COL13A1: variants seen among roughly 807,000 people sequenced by gnomAD.
COL13A1 encodes the protein collagen type XIII alpha 1 chain, also known as collagen alpha-1(XIII) chain.
Under a neutral mutation model 130.9 loss-of-function variants are expected in COL13A1, and 89 were observed. The observed-to-expected ratio is 0.68, with a 90% CI of 0.57 to 0.81. COL13A1 has a LOEUF of 0.81. Among genes scored for constraint, COL13A1 ranks in the 30% least tolerant of loss-of-function variants. The probability of loss-of-function intolerance (pLI) is 0.00; values close to 1 mark genes in which losing one functional copy is unlikely to be tolerated. For missense variants in COL13A1, 879 were observed against 934.6 expected, an observed-to-expected ratio of 0.94 and a Z score of 0.78; for synonymous variants, 402 against 341.6, an observed-to-expected ratio of 1.18 and a Z score of -1.95.
intron 3 of COL13A1, 61 bp downstream of exon 3, chr10:69,867,866 G>C: frequency 1.4e-6 from 1 of 717,520 alleles, no homozygotes; most frequent in Non-Finnish European, 2.6e-6. Context: ...GCTGGTAACG[G>C]GGTTCTGGGT....
At chr10:69,853,248 C>T (rs1278340641) in intron 2 of COL13A1, among the ~76,000 whole-genome samples, 3 of 152,222 alleles carry the variant, frequency 2.0e-5, no homozygotes, top group Admixed American at 6.5e-5. Flanking sequence ...GTTTCCATTT[C>T]CTATGGATAC....
At chr10:69,921,273 C>T (rs947406777) in intron 21 of COL13A1, among the ~76,000 whole-genome samples, 1 of 152,174 alleles carries the variant, frequency 6.6e-6, no homozygotes, top group African/African-American at 2.4e-5. Context: ...TGGCATTTCC[C>T]TGTGTGCATG....
intron 30 of COL13A1, chr10:69,931,240 G>A (rs1004705585): frequency 1.8e-5 from 8 of 455,588 alleles, no homozygotes; most frequent in Non-Finnish European, 3.5e-5. Context: ...AATCCAGCTG[G>A]GCTCCTGAGG....
At chr10:69,914,098 C>A (rs551828469) in intron 17 of COL13A1, among the ~76,000 whole-genome samples, 1 of 152,158 alleles carries the variant, frequency 6.6e-6, no homozygotes, top group Non-Finnish European at 1.5e-5. Context: ...GAGACTCTCA[C>A]GCTCCGGGGT....
intron 4 of COL13A1, among the ~76,000 whole-genome samples, chr10:69,874,351 T>G (rs2683555): frequency 2.0e-5 from 3 of 152,004 alleles, no homozygotes; most frequent in Non-Finnish European, 4.4e-5. Context: ...TTGCTTTCCA[T>G]CCTTCCAGGC....
At chr10:69,937,554 GC>G in intron 33 of COL13A1, 80 bp from the exon 34 acceptor site, 1 of 714,504 alleles carries the variant, frequency 1.4e-6, no homozygotes, top group Non-Finnish European at 2.5e-6. Flanking sequence ...TGCCACCCCA[GC>G]CTCCAGGACC....
intron 19 of COL13A1, among the ~76,000 whole-genome samples, 200 bp from the exon 20 acceptor site, chr10:69,918,862 T>C (rs1208878141): frequency 6.6e-6 from 1 of 152,174 alleles, no homozygotes; most frequent in Non-Finnish European, 1.5e-5. Context: ...TGGGGAAGAA[T>C]AGGACCCTCT....
intron 31 of COL13A1, among the ~76,000 whole-genome samples, chr10:69,935,078 G>GTT (rs112108347): frequency 4.1e-5 from 6 of 147,012 alleles, no homozygotes; most frequent in African/African-American, 1.0e-4. Flanking sequence ...TGTTTTTTTT[G>GTT]TTTTTTTTTT....
intron 17 of COL13A1, among the ~76,000 whole-genome samples, chr10:69,915,941 C>T (rs1356019999): frequency 1.3e-5 from 2 of 152,160 alleles, no homozygotes; most frequent in Admixed American, 6.5e-5. Context: ...GGGGTCAGAA[C>T]GTCATGCTCA....
At chr10:69,935,621 G>A (rs1015870303) in intron 32 of COL13A1, among the ~76,000 whole-genome samples, 3 of 152,204 alleles carry the variant, frequency 2.0e-5, no homozygotes, top group African/African-American at 7.2e-5. Flanking sequence ...GACTGGTAGG[G>A]CAGCCCCAGG....
At chr10:69,831,559 C>T (rs764049597) in intron 2 of COL13A1, among the ~76,000 whole-genome samples, 1 of 152,208 alleles carries the variant, frequency 6.6e-6, no homozygotes, top group Non-Finnish European at 1.5e-5. Context: ...CATCAGTCCT[C>T]ACCCTAGGAA....
intron 2 of COL13A1, among the ~76,000 whole-genome samples, chr10:69,846,907 C>T (rs114688200): frequency 3.7e-4 from 56 of 152,350 alleles, no homozygotes; most frequent in African/African-American, 1.3e-3. Context: ...AGCTTAGAAC[C>T]CGCTGATTCA....
chr10:69,868,261 C>G (rs756277632), intron 3 of COL13A1, among the ~76,000 whole-genome samples: 2 of 152,186 alleles, frequency 1.3e-5, no homozygotes, highest in Admixed American at 1.3e-4. Flanking sequence ...ACATCCACAC[C>G]CCTGAGTGGG....
chr10:69,957,438 G>T (rs2070974406), intron 40 of COL13A1, among the ~76,000 whole-genome samples: 2 of 152,136 alleles, frequency 1.3e-5, no homozygotes, highest in African/African-American at 4.8e-5. Flanking sequence ...CTTTCACTCT[G>T]AACTCACATG....
At chr10:69,819,093 G>C (rs1280742383) in intron 1 of COL13A1, among the ~76,000 whole-genome samples, 3 of 152,222 alleles carry the variant, frequency 2.0e-5, no homozygotes, top group South Asian at 4.1e-4. Flanking sequence ...CTCACAATTA[G>C]TAGAAAATAA....
At position 69,873,972 on chromosome 10, in the gene COL13A1, G is replaced by A. The variant is rs137943035; in HGVS notation, c.400-1156G>A. ...ACATGCTTCTCAGAGACAGCATCAT[G>A]TGGCATCCTCCCAGCAACTCCATGA... On this transcript the variant is annotated intron_variant, in intron 4 of 40. Coordinates refer to ENST00000645393, the MANE Select transcript of COL13A1 (RefSeq NM_001368882.1). Among the ~76,000 whole-genome samples, 52 of 152,308 alleles carry A rather than the reference G, an allele frequency of 3.4e-4. 1 individual carries two copies. The East Asian group carries it at 9.8e-3, about 29-fold the overall frequency.
In COL13A1 at chr10:69,880,463, C is replaced by T. The variant is rs563156036; in HGVS notation, c.463-40C>T. On this transcript the variant is annotated intron_variant, in intron 6 of 40. Coordinates refer to ENST00000645393, the MANE Select transcript of COL13A1 (RefSeq NM_001368882.1). The stretch of plus-strand genomic sequence containing the variant: ...TCCCGCTCCTCTTCTCCATACCTCC[C>T]TGCCCCTCGCTCCCTCTCCCCCTTC... 2.8e-5 allele frequency: 33 copies of T among 1,168,254 alleles called. No individual in the cohort carries two copies. The East Asian group carries it at 3.3e-4, about 12-fold the overall frequency. 72.4% of individuals were successfully genotyped at this position (1,168,254 alleles called of 1,614,324 possible).
chr10:69,859,276 A>G (rs1857307360), intron 2 of COL13A1, among the ~76,000 whole-genome samples: 2 of 152,230 alleles, frequency 1.3e-5, no homozygotes, highest in Admixed American at 6.5e-5. Context: ...CAAAAACCAC[A>G]ATTACTTTTG....
At chr10:69,809,291 G>T (rs1842368888) in intron 1 of COL13A1, among the ~76,000 whole-genome samples, 1 of 152,166 alleles carries the variant, frequency 6.6e-6, no homozygotes, top group Non-Finnish European at 1.5e-5. Context: ...GCTCATCATT[G>T]GAGGAGGTAA....
Sources: gnomAD v4.1 joint callset for allele counts (sites outside exome capture counted in the v4.1 genomes callset) on GRCh38, gnomAD v4.1.1 for gene constraint, MANE v1.5 for transcripts, NCBI Gene and HGNC (gene_info 2026-07-23, HGNC 2026-07-21) for gene names.